GLYATL2: variants seen among roughly 807,000 people sequenced by gnomAD.
GLYATL2 encodes glycine-N-acyltransferase like 2.
GLYATL2 carries 25 observed loss-of-function variants against 21.4 expected under a neutral mutation model. The observed-to-expected ratio is 1.17, with a 90% CI of 0.85 to 1.63. GLYATL2 has a LOEUF of 1.63. GLYATL2 is among the 40% of genes most tolerant of loss of function. The probability of loss-of-function intolerance (pLI) is 0.00; values close to 1 mark genes in which losing one functional copy is unlikely to be tolerated. For synonymous variants in GLYATL2, 114 were observed against 118.2 expected (o/e 0.96, Z 0.23); for missense variants, 361 against 343.3 (o/e 1.05, Z -0.41).
chr11:58,849,748 G>C (rs898827291), intron 1 of GLYATL2, among the ~76,000 whole-genome samples: 11 of 152,174 alleles, frequency 7.2e-5, no homozygotes, highest in Non-Finnish European at 1.5e-4. Flanking sequence ...AGAACACATG[G>C]ACAAAGGGAG....
intron 1 of GLYATL2, among the ~76,000 whole-genome samples, chr11:58,898,001 A>G (rs1463125813): frequency 2.0e-5 from 3 of 152,200 alleles, no homozygotes; most frequent in Admixed American, 6.5e-5. Context: ...AATTGCCTCC[A>G]CTATGGAGTC....
intron 1 of GLYATL2, among the ~76,000 whole-genome samples, chr11:58,854,690 A>C (rs61889921): frequency 4.6e-4 from 2 of 4,328 alleles, no homozygotes; most frequent in Non-Finnish European, 0.042. Flanking sequence ...GATTTGTCTG[A>C]AATCAAAATG....
At chr11:58,907,440 T>G (rs79363612), upstream of GLYATL2, 2,515 of 452,026 alleles carry the variant, frequency 5.6e-3, 19 homozygotes, top group Non-Finnish European at 7.1e-3. Flanking sequence ...GATGTCTAGT[T>G]CCTTGCAAAC....
intron 1 of GLYATL2, among the ~76,000 whole-genome samples, chr11:58,882,540 G>A (rs537900591): frequency 2.4e-4 from 37 of 152,136 alleles, no homozygotes; most frequent in East Asian, 1.9e-3. Context: ...TTGCCTGTTC[G>A]CTCTGATGGT....
chr11:58,876,466 T>C (rs1418407258), intron 1 of GLYATL2, among the ~76,000 whole-genome samples: 1 of 152,248 alleles, frequency 6.6e-6, no homozygotes, highest in Non-Finnish European at 1.5e-5. Flanking sequence ...GATGGGTTTT[T>C]GGTGTGGATG....
chr11:58,869,045 C>T (rs1854069744), intron 1 of GLYATL2, among the ~76,000 whole-genome samples: 1 of 128,436 alleles, frequency 7.8e-6, no homozygotes, highest in African/African-American at 2.5e-5. Flanking sequence ...GGATCAGCTC[C>T]TCTCCATTTG....
intron 1 of GLYATL2, among the ~76,000 whole-genome samples, chr11:58,873,806 G>A (rs1854171603): frequency 2.0e-5 from 3 of 152,180 alleles, no homozygotes; most frequent in Admixed American, 6.5e-5. Context: ...CTCATAAAAT[G>A]AGTTAGGGAG....
rs759549963 is a variant in GLYATL2 at position 58,838,293 on chromosome 11, A to C, written c.154T>G (p.Tyr52Asp). 3.7e-6 allele frequency: 6 copies of C among 1,613,050 alleles called. No homozygotes were observed. Among genetic ancestry groups the C allele is most frequent in the African/African-American group, 1.3e-5 (1 of 74,896 alleles). The part of the protein sequence containing the change: ...MEVLVDAWPD[Y>D]QIVITRPQKQ... ...TGAGGCCGGGTAATGACGATCTGGTAATCTGGCCAGGCATCTACCAGCACC... is the reference window on the plus strand; with the variant it reads ...TGAGGCCGGGTAATGACGATCTGGTCATCTGGCCAGGCATCTACCAGCACC... Residue 52 changes from tyrosine to aspartate, a missense_variant, in exon 3 of 6, where the codon TAC becomes GAC. Coordinates refer to ENST00000287275, the MANE Select transcript of GLYATL2 (RefSeq NM_145016.4).
chr11:58,870,372 G>A (rs1854096677), intron 1 of GLYATL2, among the ~76,000 whole-genome samples: 1 of 152,176 alleles, frequency 6.6e-6, no homozygotes, highest in Non-Finnish European at 1.5e-5. Flanking sequence ...GGATTTCAGG[G>A]AGGTGACTGG....
chr11:58,850,691 C>A (rs554803662), intron 1 of GLYATL2, among the ~76,000 whole-genome samples: 3 of 151,690 alleles, frequency 2.0e-5, no homozygotes, highest in Non-Finnish European at 4.4e-5. Flanking sequence ...CATGGTCTAG[C>A]GGTAGCATCA....
upstream of GLYATL2, among the ~76,000 whole-genome samples, chr11:58,847,895 C>T (rs780548835): frequency 3.3e-5 from 5 of 151,934 alleles, no homozygotes; most frequent in South Asian, 2.1e-4. Flanking sequence ...CAGTGCTGTG[C>T]GGACCTCAGG....
At chr11:58,885,409 C>A (rs1005108689) in intron 1 of GLYATL2, 2 of 433,198 alleles carry the variant, frequency 4.6e-6, no homozygotes, top group South Asian at 3.5e-5. Flanking sequence ...TCAACCTCTC[C>A]TAGTCCTTTC....
chr11:58,875,537 C>T (rs1482682128), intron 1 of GLYATL2, among the ~76,000 whole-genome samples: 1 of 152,140 alleles, frequency 6.6e-6, no homozygotes, highest in Non-Finnish European at 1.5e-5. Flanking sequence ...TTTATTTCTC[C>T]TTCACTTATG....
intron 1 of GLYATL2, among the ~76,000 whole-genome samples, chr11:58,896,728 G>GTGTT (rs1854642028): frequency 3.0e-5 from 2 of 66,022 alleles, no homozygotes; most frequent in Admixed American, 2.0e-4. Context: ...AAACTTAAAC[G>GTGTT]TGTTTGTTTT....
At chr11:58,864,184 A>T (rs1167238616) in intron 1 of GLYATL2, among the ~76,000 whole-genome samples, 2 of 152,068 alleles carry the variant, frequency 1.3e-5, no homozygotes, top group African/African-American at 4.8e-5. Flanking sequence ...TGGAGGTTGG[A>T]TCTATGGACA....
In GLYATL2 at chr11:58,859,100, A is replaced by G. The variant is rs532782578; in HGVS notation, n.61-20732T>C. 1.7e-3 allele frequency among the ~76,000 whole-genome samples: 266 copies of G among 152,254 alleles called. 1 individual carries two copies. Among genetic ancestry groups the G allele is most frequent in the African/African-American group, 6.0e-3 (250 of 41,536 alleles). On this transcript the variant is annotated intron_variant and non_coding_transcript_variant, in intron 1 of 4. Coordinates refer to the GLYATL2 transcript ENST00000533636. ...TCTCACTCACACCTGTAGTCTGTGG[A>G]GAAAATGTACTGCAATCCCCCTGGC...
intron 1 of GLYATL2, among the ~76,000 whole-genome samples, chr11:58,879,545 C>T (rs1030397837): frequency 1.2e-4 from 19 of 152,116 alleles, no homozygotes; most frequent in Middle Eastern, 3.4e-3. Context: ...AATTCTGACA[C>T]GTAATACAAC....
chr11:58,863,281 C>T (rs942955843), intron 1 of GLYATL2, among the ~76,000 whole-genome samples: 6 of 152,130 alleles, frequency 3.9e-5, no homozygotes, highest in Non-Finnish European at 8.8e-5. Flanking sequence ...TAGCTAGGTT[C>T]TGGAATGGGT....
upstream of GLYATL2, among the ~76,000 whole-genome samples, chr11:58,906,488 G>T (rs1166302830): frequency 6.6e-6 from 1 of 152,068 alleles, no homozygotes; most frequent in Non-Finnish European, 1.5e-5. Flanking sequence ...TAGTGAGGGG[G>T]TGCTTTTTAA....
Sources: allele counts gnomAD v4.1 joint callset (sites outside exome capture counted in the v4.1 genomes callset), GRCh38; gene constraint gnomAD v4.1.1; transcripts MANE v1.5; gene names NCBI Gene and HGNC (gene_info 2026-07-23, HGNC 2026-07-21).